The following CRMP1 variants were observed in gnomAD, a reference collection of about 807,000 sequenced individuals.
The protein encoded by CRMP1 is dihydropyrimidinase-related protein 1.
A neutral mutation model predicts 68.3 loss-of-function variants in CRMP1; 19 were observed. That is an observed-to-expected ratio of 0.28 (90% CI 0.19 to 0.41). The LOEUF (loss-of-function observed/expected upper bound fraction) is 0.41. Among genes scored for constraint, CRMP1 ranks in the 10% least tolerant of loss-of-function variants. The pLI is 1.00. For missense variants in CRMP1, 791 were observed against 967.4 expected, an observed-to-expected ratio of 0.82 and a Z score of 2.42; for synonymous variants, 439 against 399.6, an observed-to-expected ratio of 1.10 and a Z score of -1.18.
In CRMP1 at chr4:5,841,395, T is replaced by C; in HGVS notation, c.1066A>G (p.Ile356Val). The change falls in exon 8 of 14, where the codon ATT (isoleucine) becomes GTT (valine). Residue 356 changes from isoleucine to valine, a missense_variant. By Grantham distance (29) the Ile-to-Val change is conservative (BLOSUM62 3). Around this residue, in one of 3 missense-constraint regions of CRMP1, gnomAD observed 594 missense variants for 763.6 expected, o/e 0.78. Coordinates refer to ENST00000324989, the MANE Select transcript of CRMP1 (RefSeq NM_001014809.3). This position sits in a 1 kb window ranked among gnomAD's most constrained non-coding sequence, Gnocchi z 6.9. ...EAEAVFRAIT[I>V]AGRINCPVYI... is the part of the protein sequence containing the mutation. ...ACAGGGCAGTTGATCCGGCCCGCAA[T>C]GGTGATGGCCCGGAACACCGCCTCG... 1.2e-6 allele frequency: 2 copies of C among 1,614,124 alleles called. No individual in the cohort carries two copies. Among genetic ancestry groups the C allele is most frequent in the East Asian group, 2.2e-5 (1 of 44,880 alleles).
rs759162517 is a variant in CRMP1, at chr4:5,843,200, G to A, written c.964-39C>T. On this transcript the variant is annotated intron_variant, in intron 6 of 13. Coordinates refer to ENST00000324989, the MANE Select transcript of CRMP1 (RefSeq NM_001014809.3). This position sits in a 1 kb window ranked among gnomAD's most constrained non-coding sequence, Gnocchi z 4.1. ...ACAAGTGAGTTAACGATTAGAGGGT[G>A]TCAGAGCTGGGAGAAGTGACTCCTC... 9.9e-6 allele frequency: 16 copies of A among 1,608,966 alleles called. No individual in the cohort carries two copies. Among genetic ancestry groups the A allele is most frequent in the Middle Eastern group, 1.6e-4 (1 of 6,078 alleles).
intron 13 of CRMP1, among the ~76,000 whole-genome samples, chr4:5,823,398 C>T (rs1719006591): frequency 3.3e-5 from 5 of 152,264 alleles, no homozygotes; most frequent in Admixed American, 3.3e-4. Flanking sequence ...TTACAACCAT[C>T]TGTACCTTGC....
chr4:5,849,624 C>T, intron 5 of CRMP1, 152 bp from the exon 6 acceptor site: 1 of 593,190 alleles, frequency 1.7e-6, no homozygotes, highest in South Asian at 2.0e-5. Flanking sequence ...TACGCTGCTA[C>T]ACAAGTCAGA....
intron 4 of CRMP1, among the ~76,000 whole-genome samples, chr4:5,851,702 G>C (rs1712631991): frequency 6.6e-6 from 1 of 151,690 alleles, no homozygotes; most frequent in African/African-American, 2.4e-5. Context: ...AAAGGGAGGA[G>C]AAGGAGGAGG....
intron 2 of CRMP1, among the ~76,000 whole-genome samples, chr4:5,864,276 A>G (rs1713819012): frequency 6.6e-6 from 1 of 152,122 alleles, no homozygotes; most frequent in Non-Finnish European, 1.5e-5. Flanking sequence ...GGGGGAGCCC[A>G]CGAGATCATT....
Position 5,892,536 on chromosome 4 carries a change from G to T in CRMP1, c.381+53C>A. 8.6e-7 allele frequency: 1 copy of T among 1,161,328 alleles called. No homozygotes were observed. Among genetic ancestry groups the T allele is most frequent in the South Asian group, 4.3e-5 (1 of 23,244 alleles). The allele number at this position is 1,161,328 out of a possible 1,614,324, so 71.9% of individuals were successfully genotyped here. On this transcript the variant is annotated intron_variant, in intron 1 of 13. Transcript: ENST00000324989. This position sits in a 1 kb window ranked among gnomAD's most constrained non-coding sequence, Gnocchi z 8.6. ...TGGCCCTCGGGCGCCCCATGCCCTGGGTCCTCCCGGGGCCCGCCCCCCTCG... is the reference window on the plus strand; with the variant it reads ...TGGCCCTCGGGCGCCCCATGCCCTGTGTCCTCCCGGGGCCCGCCCCCCTCG...
At chr4:5,840,914 G>A (rs774750816) in intron 8 of CRMP1, among the ~76,000 whole-genome samples, 9 of 152,158 alleles carry the variant, frequency 5.9e-5, no homozygotes, top group African/African-American at 2.2e-4. Context: ...GTCCTGAGCC[G>A]CATGTGGCCA....
At chr4:5,830,968 T>G (rs919264508) in intron 11 of CRMP1, among the ~76,000 whole-genome samples, 1 of 152,126 alleles carries the variant, frequency 6.6e-6, no homozygotes, top group East Asian at 1.9e-4. Context: ...GTTTGTTTGT[T>G]TGGTTGTTTT....
In CRMP1 at chr4:5,827,722, CAT is replaced by C. The variant is rs570262033; in HGVS notation, c.1803+765_1803+766del. 2.2e-3 allele frequency among the ~76,000 whole-genome samples: 310 copies of C among 139,648 alleles called. 1 individual carries two copies. In the South Asian group the frequency reaches 0.025, roughly 11 times the overall value. The allele number at this position is 139,648 out of a possible 152,430, so 91.6% of individuals were successfully genotyped here. On this transcript the variant is annotated intron_variant, in intron 12 of 13. Transcript: ENST00000324989. Reference sequence around the variant, plus strand: ...CACATGACACGCATAGACATACACACATGTGCGCGTGCACACACACACACACA... The same window carrying C: ...CACATGACACGCATAGACATACACACGTGCGCGTGCACACACACACACACA...
Position 5,888,498 on chromosome 4 carries a change from AGGAGGAGGGAGAGGCGAGGGCG to A in CRMP1, c.381+4069_381+4090del. The A allele has an allele frequency of 1.7e-6, 2 of 1,196,506 alleles. No homozygotes were observed. The highest frequency in any genetic ancestry group is 2.1e-6 in the Non-Finnish European group (2 of 965,558). The allele number at this position is 1,196,506 out of a possible 1,614,324, so 74.1% of individuals were successfully genotyped here. A position where few individuals can be genotyped will look rare whatever the true frequency, so the allele number is the denominator to read the frequency against. On this transcript the variant is annotated intron_variant, in intron 1 of 13. Transcript: ENST00000324989. The surrounding 1 kb of genome is among the most constrained non-coding windows in gnomAD (Gnocchi z 6.4). ...CCGGATCGGCGAGGAGGGCGGGAGA[AGGAGGAGGGAGAGGCGAGGGCG>A]GGAGGAGGGGGCTGCAGACAGCTCC...
Position 5,852,090 on chromosome 4 carries a change from G to A in CRMP1, c.821-621C>T, listed in dbSNP as rs148278242. Among the ~76,000 whole-genome samples, 297 of 152,286 alleles carry A rather than the reference G, an allele frequency of 2.0e-3. 4 individuals carry two copies. The highest frequency in any genetic ancestry group is 6.2e-3 in the African/African-American group (259 of 41,556). On this transcript the variant is annotated intron_variant, in intron 4 of 13. Coordinates refer to ENST00000324989, the MANE Select transcript of CRMP1 (RefSeq NM_001014809.3). ...AGGGTGTGATGAGCATCTGCAATAC[G>A]GAAGATGAAAAGACATTAGTCATGC...
chr4:5,855,677 C>T lies in CRMP1; in HGVS notation c.820+466G>A, dbSNP rs1029738472. On this transcript the variant is annotated intron_variant, in intron 4 of 13. Transcript: ENST00000324989. The surrounding 1 kb of genome is among the most constrained non-coding windows in gnomAD (Gnocchi z 4.9). Reference sequence around the variant, plus strand: ...GTGCCCCAAAGGAGGCCTAAGTAACCGGCATTGGCTATTCAAGGAATGAAG... The same window carrying T: ...GTGCCCCAAAGGAGGCCTAAGTAACTGGCATTGGCTATTCAAGGAATGAAG... Among the ~76,000 whole-genome samples the T allele has an allele frequency of 4.6e-5, 7 of 152,120 alleles. No individual in the cohort carries two copies. The highest frequency in any genetic ancestry group is 1.0e-4 in the Non-Finnish European group (7 of 68,018).
intron 13 of CRMP1, chr4:5,824,801 A>C: frequency 3.0e-6 from 3 of 985,424 alleles, no homozygotes; most frequent in Non-Finnish European, 3.6e-6. Context: ...AAGAGTTTGC[A>C]GGACAAAATT....
chr4:5,839,873 G>A (rs1377510022), intron 8 of CRMP1, among the ~76,000 whole-genome samples, 195 bp from the exon 9 acceptor site: 12 of 152,330 alleles, frequency 7.9e-5, no homozygotes, highest in East Asian at 5.8e-4. Flanking sequence ...CCACATTGTC[G>A]GCGCCCCGCC....
chr4:5,878,111 G>A (rs543480743), intron 1 of CRMP1, among the ~76,000 whole-genome samples: 2 of 152,258 alleles, frequency 1.3e-5, no homozygotes, highest in East Asian at 3.9e-4. Flanking sequence ...CCTTAAAAGT[G>A]GGAATAAGTA....
At position 5,825,332 on chromosome 4, in the gene CRMP1, A is replaced by C. The variant is rs917964375; in HGVS notation, c.1969+162T>G. 2.0e-6 allele frequency: 2 copies of C among 983,490 alleles called. No homozygotes were observed. The highest frequency in any genetic ancestry group is 1.8e-5 in the African/African-American group (1 of 56,656). 60.9% of individuals were successfully genotyped at this position (983,490 alleles called of 1,614,324 possible). A position where few individuals can be genotyped will look rare whatever the true frequency, so the allele number is the denominator to read the frequency against. On this transcript the variant is annotated intron_variant, in intron 13 of 13. Transcript: ENST00000324989. This position sits in a 1 kb window ranked among gnomAD's most constrained non-coding sequence, Gnocchi z 4.4. Reference sequence around the variant, plus strand: ...CTCTGCTTGGTGACCATGCCAGCCCACTCTGCCCCACCAGTGAGAGCAGGC... The same window carrying C: ...CTCTGCTTGGTGACCATGCCAGCCCCCTCTGCCCCACCAGTGAGAGCAGGC...
At chr4:5,885,603 C>T (rs1332608723) in intron 1 of CRMP1, among the ~76,000 whole-genome samples, 1 of 152,170 alleles carries the variant, frequency 6.6e-6, no homozygotes, top group Non-Finnish European at 1.5e-5. Flanking sequence ...CCTCTGGGGC[C>T]CCATGGGCTC....
In CRMP1 at chr4:5,825,942, GCA is replaced by G. The variant is rs1285210424; in HGVS notation, c.1804-285_1804-284del. ...CACGCACTCACATACATGCAGTCATGCACACATATATGCATGCACATGCAGTA... is the reference window on the plus strand; with the variant it reads ...CACGCACTCACATACATGCAGTCATGCACATATATGCATGCACATGCAGTA... On this transcript the variant is annotated intron_variant, in intron 12 of 13. Coordinates refer to ENST00000324989, the MANE Select transcript of CRMP1 (RefSeq NM_001014809.3). The surrounding 1 kb of genome is among the most constrained non-coding windows in gnomAD (Gnocchi z 4.4). The G allele has an allele frequency of 1.1e-5, 5 of 473,068 alleles. No homozygotes were observed. Among genetic ancestry groups the G allele is most frequent in the Non-Finnish European group, 1.1e-5 (3 of 268,368 alleles). The allele number at this position is 473,068 out of a possible 1,614,324, so 29.3% of individuals were successfully genotyped here.
chr4:5,827,477 G>A lies in CRMP1; in HGVS notation c.1803+1012C>T, dbSNP rs566212921. On this transcript the variant is annotated intron_variant, in intron 12 of 13. Transcript: ENST00000324989. ...AACCAGATGCAGAGCCTCCCAGTCCGGGCTGGAGCCTGGGAATGCAGGAAG... is the reference window on the plus strand; with the variant it reads ...AACCAGATGCAGAGCCTCCCAGTCCAGGCTGGAGCCTGGGAATGCAGGAAG... 2.4e-3 allele frequency among the ~76,000 whole-genome samples: 368 copies of A among 152,248 alleles called. 1 individual carries two copies. Among genetic ancestry groups the A allele is most frequent in the African/African-American group, 8.5e-3 (351 of 41,532 alleles).
Sources: allele counts gnomAD v4.1 joint callset (sites outside exome capture counted in the v4.1 genomes callset), GRCh38; gene constraint gnomAD v4.1.1; regional missense constraint gnomAD v4.1.1; non-coding constraint Gnocchi (gnomAD v3.1); transcripts MANE v1.5; gene names NCBI Gene and HGNC (gene_info 2026-07-23, HGNC 2026-07-21).